INPP4B: variants seen among roughly 807,000 people sequenced by gnomAD.
The protein encoded by INPP4B is inositol polyphosphate-4-phosphatase type II B.
A neutral mutation model predicts 122.5 loss-of-function variants in INPP4B; 55 were observed. That is an observed-to-expected ratio of 0.45 (90% CI 0.36 to 0.56). INPP4B has a LOEUF of 0.56. Ranked by LOEUF, INPP4B falls within the 20% of genes least tolerant of loss-of-function variation. The probability of loss-of-function intolerance (pLI) is 0.00; values close to 1 mark genes in which losing one functional copy is unlikely to be tolerated. For synonymous variants in INPP4B, 403 were observed against 388.7 expected (o/e 1.04, Z -0.43); for missense variants, 1,000 against 1,097.7 (o/e 0.91, Z 1.26).
chr4:142,745,161 T>C (rs916032101), intron 1 of INPP4B, among the ~76,000 whole-genome samples: 4 of 151,724 alleles, frequency 2.6e-5, no homozygotes, highest in African/African-American at 4.8e-5. Context: ...TTAAACACTA[T>C]AGAATTTTTT....
At chr4:142,311,090 T>A (rs1765346943) in intron 8 of INPP4B, among the ~76,000 whole-genome samples, 1 of 152,104 alleles carries the variant, frequency 6.6e-6, no homozygotes, top group Non-Finnish European at 1.5e-5. Context: ...AGCCCTTGTA[T>A]GTTGTAATGA....
chr4:142,503,606 G>A (rs1185445075), intron 2 of INPP4B, among the ~76,000 whole-genome samples: 1 of 151,996 alleles, frequency 6.6e-6, no homozygotes, highest in African/African-American at 2.4e-5. Context: ...ACATCCAATG[G>A]AATTGCAATT....
intron 2 of INPP4B, chr4:142,654,607 C>T (rs1047465940): frequency 1.3e-5 from 2 of 152,112 alleles, no homozygotes; most frequent in Admixed American, 6.5e-5. Context: ...TTTCCTTTTC[C>T]GTATGCTTCT....
At chr4:142,160,144 TAA>T (rs1381145968) in intron 17 of INPP4B, among the ~76,000 whole-genome samples, 1 of 152,040 alleles carries the variant, frequency 6.6e-6, no homozygotes, top group Non-Finnish European at 1.5e-5. Context: ...GATTCTCACT[TAA>T]ACATATAATT....
At chr4:142,149,792 A>T (rs1233645292) in intron 17 of INPP4B, among the ~76,000 whole-genome samples, 1 of 152,234 alleles carries the variant, frequency 6.6e-6, no homozygotes, top group Non-Finnish European at 1.5e-5. Flanking sequence ...TTAAAGGGTC[A>T]TTCACTTTGG....
intron 2 of INPP4B, among the ~76,000 whole-genome samples, chr4:142,506,680 T>C (rs1342873179): frequency 2.0e-5 from 3 of 152,192 alleles, no homozygotes; most frequent in South Asian, 2.1e-4. Flanking sequence ...CCTTTCTTAC[T>C]GTGGGTCAGG....
chr4:142,364,392 T>C (rs1452854010), intron 7 of INPP4B, among the ~76,000 whole-genome samples: 2 of 151,974 alleles, frequency 1.3e-5, no homozygotes, highest in African/African-American at 2.4e-5. Context: ...CAATAGACTC[T>C]TGGCCTCACG....
chr4:142,775,241 C>T (rs1395707464), intron 1 of INPP4B, among the ~76,000 whole-genome samples: 1 of 151,170 alleles, frequency 6.6e-6, no homozygotes, highest in Non-Finnish European at 1.5e-5. Context: ...TGTAAAGTTA[C>T]TCTCCTCCAT....
chr4:142,152,058 T>C (rs1194448930), intron 17 of INPP4B, among the ~76,000 whole-genome samples: 3 of 140,454 alleles, frequency 2.1e-5, no homozygotes, highest in African/African-American at 5.4e-5. Flanking sequence ...CATGCTTTTT[T>C]GTCTTTTCTT....
chr4:142,642,589 A>G (rs1750760740), intron 2 of INPP4B, among the ~76,000 whole-genome samples: 1 of 152,052 alleles, frequency 6.6e-6, no homozygotes, highest in Non-Finnish European at 1.5e-5. Context: ...GATGTGTGGT[A>G]TTATTTCTGA....
intron 2 of INPP4B, among the ~76,000 whole-genome samples, chr4:142,498,483 A>G (rs975148846): frequency 1.3e-5 from 2 of 152,074 alleles, no homozygotes; most frequent in African/African-American, 4.8e-5. Context: ...ATTAAAAAGT[A>G]TTATTAAAAA....
At chr4:142,639,479 A>G (rs1468965024) in intron 2 of INPP4B, among the ~76,000 whole-genome samples, 1 of 152,094 alleles carries the variant, frequency 6.6e-6, no homozygotes, top group Non-Finnish European at 1.5e-5. Flanking sequence ...TCTTTGTAGT[A>G]ATTGGTCCTT....
intron 3 of INPP4B, among the ~76,000 whole-genome samples, chr4:142,454,015 G>T (rs968966830): frequency 3.9e-4 from 59 of 151,956 alleles, no homozygotes; most frequent in African/African-American, 1.3e-3. Flanking sequence ...GTATATAAAG[G>T]CTTGCCACTG....
chr4:142,520,303 C>T (rs1195091491), intron 2 of INPP4B, among the ~76,000 whole-genome samples: 1 of 151,890 alleles, frequency 6.6e-6, no homozygotes, highest in African/African-American at 2.4e-5. Flanking sequence ...TCTTCTGAAA[C>T]ATTAAGATAG....
chr4:142,689,014 C>G (rs1318427403), intron 2 of INPP4B, among the ~76,000 whole-genome samples: 1 of 152,080 alleles, frequency 6.6e-6, no homozygotes, highest in African/African-American at 2.4e-5. Flanking sequence ...TAGCGCTCCC[C>G]ATTTTCTAAC....
intron 2 of INPP4B, among the ~76,000 whole-genome samples, chr4:142,694,224 T>C (rs1333070243): frequency 6.6e-6 from 1 of 151,600 alleles, no homozygotes; most frequent in Non-Finnish European, 1.5e-5. Context: ...AATACAAAAA[T>C]TAGTCAGGCA....
chr4:142,825,216 G>A (rs1335644379), intron 1 of INPP4B, among the ~76,000 whole-genome samples: 1 of 152,042 alleles, frequency 6.6e-6, no homozygotes, highest in Non-Finnish European at 1.5e-5. Context: ...TCCAAGAGAG[G>A]ATGTGGTTAC....
chr4:142,798,222 T>C (rs1777536293), intron 1 of INPP4B, among the ~76,000 whole-genome samples: 1 of 151,802 alleles, frequency 6.6e-6, no homozygotes, highest in East Asian at 1.9e-4. Context: ...TTTTTACACA[T>C]AAAAAGCAAC....
chr4:142,599,312 G>A (rs1287471280), intron 2 of INPP4B, among the ~76,000 whole-genome samples: 4 of 152,106 alleles, frequency 2.6e-5, no homozygotes, highest in African/African-American at 9.7e-5. Flanking sequence ...ACCAATTGGG[G>A]CCCAAAGACT....
Sources: allele counts gnomAD v4.1 joint callset (sites outside exome capture counted in the v4.1 genomes callset), GRCh38; gene constraint gnomAD v4.1.1; transcripts MANE v1.5; gene names NCBI Gene and HGNC (gene_info 2026-07-23, HGNC 2026-07-21).